The following UBE2N variants were observed in gnomAD, a reference collection of about 807,000 sequenced individuals.
The protein encoded by UBE2N is ubiquitin conjugating enzyme E2 N.
For missense variants in UBE2N, 60 were observed against 192.1 expected (o/e 0.31, Z 4.07); for synonymous variants, 70 against 69.2 (o/e 1.01, Z -0.06).
At chr12:93,410,167 A>C (rs542052122) in intron 3 of UBE2N, 88 bp from the exon 4 acceptor site, 460 of 1,269,782 alleles carry the variant, frequency 3.6e-4, no homozygotes, top group Non-Finnish European at 4.7e-4. Flanking sequence ...ACCACTATTA[A>C]TTATGGAAAT....
intron 1 of UBE2N, among the ~76,000 whole-genome samples, chr12:93,414,715 T>C (rs1878148465): frequency 1.3e-5 from 2 of 152,126 alleles, no homozygotes; most frequent in African/African-American, 4.8e-5. Context: ...GATCTTCATG[T>C]TTTCTCAGTG....
chr12:93,427,546 T>C lies in UBE2N; in HGVS notation c.30+14309A>G, dbSNP rs370275193. On this transcript the variant is annotated intron_variant, in intron 1 of 3. Coordinates refer to ENST00000318066, the MANE Select transcript of UBE2N (RefSeq NM_003348.4). Reference sequence around the variant, plus strand: ...TTCCATTTATATGAAGTGTGTACAATAGGAAAATCCATAGAATTGGAAAGC... The same window carrying C: ...TTCCATTTATATGAAGTGTGTACAACAGGAAAATCCATAGAATTGGAAAGC... Among the ~76,000 whole-genome samples, 10 of 152,172 alleles carry C rather than the reference T, an allele frequency of 6.6e-5. No homozygotes were observed. In the East Asian group the frequency reaches 7.7e-4, roughly 12 times the overall value.
chr12:93,434,921 A>T (rs554771036), intron 1 of UBE2N, among the ~76,000 whole-genome samples: 1 of 145,344 alleles, frequency 6.9e-6, no homozygotes, highest in African/African-American at 2.7e-5. Context: ...TATTTATTTA[A>T]GAGACAGGGT....
In UBE2N at chr12:93,441,901, T is replaced by A; in HGVS notation, c.-17A>T. 1 of 1,574,628 alleles carries A rather than the reference T, an allele frequency of 6.4e-7. No homozygotes were observed. ...CCCGGCCATCTTGTCAGAACCCGAG[T>A]TCGGCCTCTGGTCTCGTCTCCGGCT... On this transcript the variant is annotated 5_prime_UTR_variant, in exon 1 of 4. Coordinates refer to ENST00000318066, the MANE Select transcript of UBE2N (RefSeq NM_003348.4).
intron 1 of UBE2N, among the ~76,000 whole-genome samples, chr12:93,431,252 A>ACC (rs1196813023): frequency 0.032 from 4,833 of 152,286 alleles, 271 homozygotes; most frequent in African/African-American, 0.11. Context: ...CAACCAACCA[A>ACC]ACAAACAAAA....
intron 1 of UBE2N, among the ~76,000 whole-genome samples, chr12:93,439,469 C>A (rs188442408): frequency 6.6e-6 from 1 of 151,920 alleles, no homozygotes; most frequent in Non-Finnish European, 1.5e-5. Flanking sequence ...CGGAGTGAGA[C>A]GAGTCTCAAG....
intron 1 of UBE2N, among the ~76,000 whole-genome samples, chr12:93,415,930 T>C (rs1417251813): frequency 6.6e-6 from 1 of 152,212 alleles, no homozygotes; most frequent in Non-Finnish European, 1.5e-5. Context: ...TACTTTCTCA[T>C]CTTCAGTTCA....
intron 1 of UBE2N, 105 bp downstream of exon 1, chr12:93,441,750 C>G: frequency 1.3e-6 from 2 of 1,481,864 alleles, no homozygotes; most frequent in Non-Finnish European, 1.8e-6. Flanking sequence ...CGCCTCGGGC[C>G]TCCCAGAGCG....
intron 1 of UBE2N, among the ~76,000 whole-genome samples, chr12:93,431,088 G>A (rs1467593402): frequency 6.6e-6 from 1 of 152,000 alleles, no homozygotes; most frequent in Admixed American, 6.6e-5. Context: ...TTAGCCGGGT[G>A]TGGTGGCGGG....
intron 1 of UBE2N, among the ~76,000 whole-genome samples, chr12:93,422,421 G>T (rs1203497011): frequency 6.6e-6 from 1 of 152,192 alleles, no homozygotes; most frequent in African/African-American, 2.4e-5. Flanking sequence ...GTCTCAGAAT[G>T]CTGAATGAAA....
At chr12:93,429,462 T>G (rs1878692485) in intron 1 of UBE2N, 1 of 276,718 alleles carries the variant, frequency 3.6e-6, no homozygotes, top group Non-Finnish European at 7.0e-6. Flanking sequence ...CAAAAGACAG[T>G]GGTCCCACAA....
chr12:93,441,051 GGAGA>G (rs373131534), intron 1 of UBE2N: 204 of 152,846 alleles, frequency 1.3e-3, no homozygotes, highest in Middle Eastern at 6.3e-3. Flanking sequence ...GGAGAGAAGA[GGAGA>G]GAGAAAGAGA....
chr12:93,406,622 G>A lies in UBE2N; in HGVS notation c.*3417C>T, dbSNP rs1877832709. 6.6e-6 allele frequency: 1 copy of A among 152,186 alleles called. No homozygotes were observed. Among genetic ancestry groups the A allele is most frequent in the South Asian group, 2.1e-4 (1 of 4,828 alleles). The allele number at this position is 152,186 out of a possible 1,614,324, so 9.4% of individuals were successfully genotyped here. A position where few individuals can be genotyped will look rare whatever the true frequency, so the allele number is the denominator to read the frequency against. ...GACAAAATATTCCAAAAAACATTGT[G>A]TCTGTAGTCAACATGTATATTTTTG... is the stretch of plus-strand genomic sequence containing the variant. On this transcript the variant is annotated 3_prime_UTR_variant, in exon 4 of 4. Transcript: ENST00000318066.
chr12:93,431,900 C>G (rs548916479), intron 1 of UBE2N, among the ~76,000 whole-genome samples: 2 of 152,320 alleles, frequency 1.3e-5, no homozygotes, highest in East Asian at 3.9e-4. Context: ...CACACTCCCT[C>G]CTTCTCTTGG....
chr12:93,438,972 C>T (rs1879016611), intron 1 of UBE2N, among the ~76,000 whole-genome samples: 2 of 152,158 alleles, frequency 1.3e-5, no homozygotes, highest in Admixed American at 1.3e-4. Context: ...TTAGGAAAGT[C>T]ATTTAAGTCA....
rs1414073632 is a variant in UBE2N, at chr12:93,409,616, T to C, written c.*423A>G. 1 of 172,734 alleles carries C rather than the reference T, an allele frequency of 5.8e-6. No individual in the cohort carries two copies. The highest frequency in any genetic ancestry group is 1.4e-5 in the Non-Finnish European group (1 of 72,540). 10.7% of individuals were successfully genotyped at this position (172,734 alleles called of 1,614,324 possible). On this transcript the variant is annotated 3_prime_UTR_variant, in exon 4 of 4. Transcript: ENST00000318066. Reference sequence around the variant, plus strand: ...GTTAGCTGCTTTTAACCAATGCAATTAGATCACCAAAAAAGGGGGAAAGGA... The same window carrying C: ...GTTAGCTGCTTTTAACCAATGCAATCAGATCACCAAAAAAGGGGGAAAGGA...
At chr12:93,425,077 G>C (rs1878538470) in intron 1 of UBE2N, among the ~76,000 whole-genome samples, 2 of 152,168 alleles carry the variant, frequency 1.3e-5, no homozygotes, top group African/African-American at 4.8e-5. Flanking sequence ...CACTACATAA[G>C]GCTCAGTATT....
intron 1 of UBE2N, among the ~76,000 whole-genome samples, chr12:93,436,850 A>T (rs1181784821): frequency 6.6e-6 from 1 of 152,200 alleles, no homozygotes; most frequent in East Asian, 1.9e-4. Context: ...CAGAACTACT[A>T]AGACTCAATA....
chr12:93,430,932 T>TAA (rs1234568334), intron 1 of UBE2N, among the ~76,000 whole-genome samples: 1 of 137,286 alleles, frequency 7.3e-6, no homozygotes, highest in Non-Finnish European at 1.6e-5. Flanking sequence ...GACCCTATCT[T>TAA]AAAAAAAAAA....
Sources: gnomAD v4.1 joint callset for allele counts (sites outside exome capture counted in the v4.1 genomes callset) on GRCh38, gnomAD v4.1.1 for gene constraint, MANE v1.5 for transcripts, NCBI Gene and HGNC (gene_info 2026-07-23, HGNC 2026-07-21) for gene names.